Variants in SNAP23 observed in about 807,000 individuals in gnomAD.
SNAP23 encodes synaptosomal-associated protein 23.
SNAP23 carries 11 observed loss-of-function variants against 29.0 expected under a neutral mutation model. That is an observed-to-expected ratio of 0.38 (90% CI 0.24 to 0.63). The LOEUF is 0.63. Ranked by LOEUF, SNAP23 falls within the 20% of genes least tolerant of loss-of-function variation. SNAP23 has a pLI of 0.58. For missense variants in SNAP23, 220 were observed against 253.9 expected, an observed-to-expected ratio of 0.87 and a Z score of 0.91; for synonymous variants, 60 against 82.9, an observed-to-expected ratio of 0.72 and a Z score of 1.50.
chr15:42,513,057 C>T (rs1192953471), intron 3 of SNAP23, 61 bp downstream of exon 3: 1 of 1,190,100 alleles, frequency 8.4e-7, no homozygotes, highest in Non-Finnish European at 1.3e-6. Flanking sequence ...CCTAATACTT[C>T]TGGCTGGAAT....
At chr15:42,524,214 A>T (rs1411663235) in intron 5 of SNAP23, among the ~76,000 whole-genome samples, 1 of 152,168 alleles carries the variant, frequency 6.6e-6, no homozygotes, top group East Asian at 1.9e-4. Flanking sequence ...ATAATAGACT[A>T]CCAGAGTAAT....
chr15:42,503,080 A>C (rs2057288132), intron 1 of SNAP23, among the ~76,000 whole-genome samples: 1 of 151,650 alleles, frequency 6.6e-6, no homozygotes, highest in Admixed American at 6.6e-5. Context: ...TGAAAATGTA[A>C]TTTTGGTTTT....
upstream of SNAP23, among the ~76,000 whole-genome samples, chr15:42,494,510 CTTTTTT>C (rs71108164): frequency 8.2e-6 from 1 of 122,418 alleles, no homozygotes; most frequent in Non-Finnish European, 1.7e-5. Flanking sequence ...TTTTTTCTTT[CTTTTTT>C]TTTTTTTTTT....
At position 42,515,372 on chromosome 15, in the gene SNAP23, G is replaced by T. The variant is rs2057390031; in HGVS notation, c.266+18G>T. The T allele has an allele frequency of 1.3e-6, 2 of 1,497,202 alleles. No homozygotes were observed. The highest frequency in any genetic ancestry group is 4.6e-5 in the East Asian group (2 of 43,938). 92.7% of individuals were successfully genotyped at this position (1,497,202 alleles called of 1,614,324 possible). On this transcript the variant is annotated intron_variant, in intron 5 of 7. Transcript: ENST00000249647. ...TGTAATAGGTGAGTTGATAAATTAA[G>T]ATGGTTTCAAAATAAGTAATGAGAG...
intron 4 of SNAP23, among the ~76,000 whole-genome samples, chr15:42,514,131 T>C (rs1358637722): frequency 2.7e-5 from 4 of 148,672 alleles, no homozygotes; most frequent in Non-Finnish European, 6.0e-5. Context: ...TTTGTTTTGT[T>C]TTGTTTTTTT....
intron 7 of SNAP23, among the ~76,000 whole-genome samples, chr15:42,531,208 A>G (rs1427999450): frequency 6.6e-6 from 1 of 152,226 alleles, no homozygotes; most frequent in African/African-American, 2.4e-5. Flanking sequence ...AAGGTCTTAT[A>G]TGTTACACCT....
At chr15:42,524,596 A>G (rs763169279) in intron 5 of SNAP23, among the ~76,000 whole-genome samples, 87 of 152,084 alleles carry the variant, frequency 5.7e-4, no homozygotes, top group Non-Finnish European at 1.2e-3. Flanking sequence ...AGGTGGAACA[A>G]TTTCATCCCC....
upstream of SNAP23, among the ~76,000 whole-genome samples, chr15:42,494,734 C>G (rs2057202074): frequency 6.6e-6 from 1 of 152,100 alleles, no homozygotes. Flanking sequence ...CCAGGCTGGT[C>G]TGGAACTCCT....
chr15:42,521,378 A>G, intron 5 of SNAP23: 1 of 850,908 alleles, frequency 1.2e-6, no homozygotes, highest in Non-Finnish European at 1.4e-6. Flanking sequence ...GAATATCATC[A>G]CCCAAAATTC....
intron 4 of SNAP23, among the ~76,000 whole-genome samples, chr15:42,513,939 G>C (rs1259330297): frequency 6.6e-6 from 1 of 151,934 alleles, no homozygotes; most frequent in Non-Finnish European, 1.5e-5. Flanking sequence ...TCAGCTTCCT[G>C]AGTAGCTGAG....
At chr15:42,527,170 T>A (rs1171693382) in intron 5 of SNAP23, among the ~76,000 whole-genome samples, 6 of 152,110 alleles carry the variant, frequency 3.9e-5, no homozygotes, top group African/African-American at 1.2e-4. Context: ...AACTCTTAAA[T>A]GAAAAACTCC....
At chr15:42,509,210 C>A (rs1567043802) in intron 1 of SNAP23, among the ~76,000 whole-genome samples, 1 of 152,002 alleles carries the variant, frequency 6.6e-6, no homozygotes, top group Non-Finnish European at 1.5e-5. Context: ...GTAGCATGGA[C>A]ATGTGTATGT....
chr15:42,532,874 A>G lies in SNAP23; in HGVS notation c.*1396A>G, dbSNP rs1195539959. ...TTGGTGATTACACACTCTTTCTCTT[A>G]CCCTTGTGTATTGAACTATGTCCAT... On this transcript the variant is annotated 3_prime_UTR_variant, in exon 8 of 8. Coordinates refer to ENST00000249647, the MANE Select transcript of SNAP23 (RefSeq NM_003825.4). The G allele has an allele frequency of 6.6e-6, 1 of 152,646 alleles. No homozygotes were observed. The highest frequency in any genetic ancestry group is 2.4e-5 in the African/African-American group (1 of 41,466). The allele number at this position is 152,646 out of a possible 1,614,324, so 9.5% of individuals were successfully genotyped here. A position where few individuals can be genotyped will look rare whatever the true frequency, so the allele number is the denominator to read the frequency against.
intron 4 of SNAP23, among the ~76,000 whole-genome samples, chr15:42,514,034 C>T (rs749729876): frequency 4.0e-5 from 6 of 151,486 alleles, no homozygotes; most frequent in African/African-American, 9.7e-5. Context: ...AGGCTGGTCT[C>T]GAACTCCTAA....
At chr15:42,531,336 G>GTT (rs1377456341) in intron 7 of SNAP23, 77 bp from the exon 8 acceptor site, 1 of 938,682 alleles carries the variant, frequency 1.1e-6, no homozygotes, top group Admixed American at 2.9e-5. Flanking sequence ...TGGTGTGTCA[G>GTT]TTACTCCAAG....
chr15:42,500,225 T>C (rs2057257624), intron 1 of SNAP23, among the ~76,000 whole-genome samples: 2 of 150,404 alleles, frequency 1.3e-5, no homozygotes, highest in South Asian at 2.1e-4. Context: ...ACATCTGTTT[T>C]TGAGCTATGT....
chr15:42,513,242 G>A lies in SNAP23; in HGVS notation c.100-157G>A, dbSNP rs1206020125. 7.7e-6 allele frequency: 6 copies of A among 774,470 alleles called. No individual in the cohort carries two copies. In the African/African-American group the frequency reaches 1.0e-4, roughly 13 times the overall value. 48.0% of individuals were successfully genotyped at this position (774,470 alleles called of 1,614,324 possible). On this transcript the variant is annotated intron_variant, in intron 3 of 7. Transcript: ENST00000249647. ...ACTTAATTATTTTGGGGGCTGCTAT[G>A]TTAAAGTGTGTTAGTTTAAGAATAC...
chr15:42,508,570 G>A (rs748124025), intron 1 of SNAP23, among the ~76,000 whole-genome samples: 3 of 152,114 alleles, frequency 2.0e-5, no homozygotes, highest in Non-Finnish European at 4.4e-5. Flanking sequence ...GCAGAACTTC[G>A]AGTTCACATG....
intron 5 of SNAP23, among the ~76,000 whole-genome samples, chr15:42,515,559 G>A (rs1215282025): frequency 6.6e-6 from 1 of 152,142 alleles, no homozygotes; most frequent in Non-Finnish European, 1.5e-5. Context: ...CCAATCCTGG[G>A]ATCAAGTCCA....
Sources: allele counts gnomAD v4.1 joint callset (sites outside exome capture counted in the v4.1 genomes callset), GRCh38; gene constraint gnomAD v4.1.1; transcripts MANE v1.5; gene names NCBI Gene and HGNC (gene_info 2026-07-23, HGNC 2026-07-21).